The following HS3ST3A1 variants were observed in gnomAD, a reference collection of about 807,000 sequenced individuals.
The protein encoded by HS3ST3A1 is heparan sulfate glucosamine 3-O-sulfotransferase 3A1.
HS3ST3A1 carries 19 observed loss-of-function variants against 25.7 expected under a neutral mutation model. The observed-to-expected ratio is 0.74, with a 90% CI of 0.52 to 1.08. HS3ST3A1 has a LOEUF of 1.08. HS3ST3A1 is among the 50% of genes least tolerant of loss of function. HS3ST3A1 has a pLI of 0.00. For missense variants in HS3ST3A1, 459 were observed against 594.3 expected, an observed-to-expected ratio of 0.77 and a Z score of 2.37; for synonymous variants, 226 against 278.6, an observed-to-expected ratio of 0.81 and a Z score of 1.88.
intron 1 of HS3ST3A1, among the ~76,000 whole-genome samples, chr17:13,546,424 C>T (rs558410833): frequency 3.9e-5 from 6 of 152,222 alleles, no homozygotes; most frequent in African/African-American, 7.2e-5. Flanking sequence ...TGTGCCACTA[C>T]GCCCAGGTAA....
chr17:13,496,362 C>A lies in HS3ST3A1; in HGVS notation c.1056G>T (p.Leu352=). Residue 352 remains leucine, a synonymous_variant, in exon 2 of 2, where the codon CTG becomes CTT. Transcript: ENST00000284110. ...GCCGGCTGCTGCCCTCCGCCTTCTT[C>A]AGGCAGGGGAAGCCCTTGGTCTTGT... is the stretch of plus-strand genomic sequence containing the variant. ...YFNKTKGFPC[L]KKAEGSSRPH... is the part of the protein sequence containing the mutation. 6.7e-7 allele frequency: 1 copy of A among 1,491,006 alleles called. No individual in the cohort carries two copies. Among genetic ancestry groups the A allele is most frequent in the Non-Finnish European group, 9.2e-7 (1 of 1,090,462 alleles). 92.4% of individuals were successfully genotyped at this position (1,491,006 alleles called of 1,614,324 possible). A position where few individuals can be genotyped will look rare whatever the true frequency, so the allele number is the denominator to read the frequency against.
In HS3ST3A1 at chr17:13,600,812, G is replaced by T. The variant is rs1908708984; in HGVS notation, c.318C>A (p.Asp106Glu). 4 of 1,414,898 alleles carry T rather than the reference G, an allele frequency of 2.8e-6. No individual in the cohort carries two copies. The African/African-American group carries it at 4.6e-5, about 16-fold the overall frequency. The allele number at this position is 1,414,898 out of a possible 1,614,324, so 87.6% of individuals were successfully genotyped here. The change falls in exon 1 of 2, where the codon GAC (aspartate) becomes GAA (glutamate). Residue 106 changes from aspartate (D) to glutamate (E), a missense_variant. Asp to Glu is a conservative substitution (Grantham distance 45). This residue lies in a region of HS3ST3A1 where 346 missense variants were observed against 303.9 expected (regional missense o/e 1.14). Coordinates refer to ENST00000284110, the MANE Select transcript of HS3ST3A1 (RefSeq NM_006042.3). ...CTTCCCAGGCCGCCTCCTCGCCGTCGTCGCGGGGCGCGGGCGGCCGGCGCC... is the reference window on the plus strand; with the variant it reads ...CTTCCCAGGCCGCCTCCTCGCCGTCTTCGCGGGGCGCGGGCGGCCGGCGCC... ...WRRRRPPAPR[D>E]DGEEAAWEEE...
intron 1 of HS3ST3A1, among the ~76,000 whole-genome samples, chr17:13,594,060 G>C (rs1262279652): frequency 6.6e-6 from 1 of 152,162 alleles, no homozygotes; most frequent in African/African-American, 2.4e-5. Flanking sequence ...TACTGGTCAA[G>C]TATTTTGTAA....
At chr17:13,498,824 G>C (rs1027136408) in intron 1 of HS3ST3A1, among the ~76,000 whole-genome samples, 1 of 152,078 alleles carries the variant, frequency 6.6e-6, no homozygotes, top group African/African-American at 2.4e-5. Context: ...TGCATACACA[G>C]TAATAAACGT....
chr17:13,531,762 C>T (rs79677032), intron 1 of HS3ST3A1, among the ~76,000 whole-genome samples: 2,448 of 152,214 alleles, frequency 0.016, 72 homozygotes, highest in African/African-American at 0.056. Context: ...ACACATTAAG[C>T]GAATCAGTCT....
rs147390556 is a variant in HS3ST3A1, at chr17:13,539,050, G to A, written c.600-42232C>T. 8.0e-4 allele frequency among the ~76,000 whole-genome samples: 122 copies of A among 152,260 alleles called. 1 individual carries two copies. The highest frequency in any genetic ancestry group is 2.6e-3 in the African/African-American group (108 of 41,546). On this transcript the variant is annotated intron_variant, in intron 1 of 1. Transcript: ENST00000284110. ...GGTCAGCTGGGGCTAGAATGATATC[G>A]AGGTGGCTTCACTCACATATCTGGG...
At chr17:13,513,397 A>G (rs898998663) in intron 1 of HS3ST3A1, among the ~76,000 whole-genome samples, 3 of 152,218 alleles carry the variant, frequency 2.0e-5, no homozygotes, top group African/African-American at 7.2e-5. Flanking sequence ...AAAAAAATTA[A>G]ACTTCAACAA....
chr17:13,549,291 A>C (rs8075934), intron 1 of HS3ST3A1, among the ~76,000 whole-genome samples: 1 of 152,040 alleles, frequency 6.6e-6, no homozygotes, highest in African/African-American at 2.4e-5. Flanking sequence ...AACTGCAGAC[A>C]CATCTGAACA....
chr17:13,522,536 C>A (rs77324660), intron 1 of HS3ST3A1, among the ~76,000 whole-genome samples: 3,088 of 152,194 alleles, frequency 0.02, 57 homozygotes, highest in Non-Finnish European at 0.033. Context: ...AGTCTATATG[C>A]TGAAGGAAAT....
Position 13,600,895 on chromosome 17 carries a change from C to T in HS3ST3A1, c.235G>A (p.Ala79Thr). Residue 79 changes from alanine to threonine, a missense_variant, in exon 1 of 2, where the codon GCG (alanine) becomes ACG (threonine). Coordinates refer to ENST00000284110, the MANE Select transcript of HS3ST3A1 (RefSeq NM_006042.3). ...GVLAGGPRELAVWPAAAQRKR... is the reference protein window; with the variant it reads ...GVLAGGPRELTVWPAAAQRKR... Reference sequence around the variant, plus strand: ...CTCTGTGCCGCCGCCGGCCACACCGCCAGCTCCCTCGGGCCTCCGGCCAGG... The same window carrying T: ...CTCTGTGCCGCCGCCGGCCACACCGTCAGCTCCCTCGGGCCTCCGGCCAGG... The T allele has an allele frequency of 6.6e-7, 1 of 1,504,124 alleles. No homozygotes were observed. Among genetic ancestry groups the T allele is most frequent in the Non-Finnish European group, 8.8e-7 (1 of 1,130,840 alleles). 93.2% of individuals were successfully genotyped at this position (1,504,124 alleles called of 1,614,324 possible).
intron 1 of HS3ST3A1, among the ~76,000 whole-genome samples, chr17:13,569,977 T>G (rs1907761100): frequency 6.6e-6 from 1 of 152,214 alleles, no homozygotes; most frequent in Admixed American, 6.5e-5. Context: ...GATTCTATTC[T>G]GGGACTTCCC....
rs1178418496 is a variant in HS3ST3A1 at position 13,523,181 on chromosome 17, TC to T, written c.600-26364del. On this transcript the variant is annotated intron_variant, in intron 1 of 1. Coordinates refer to ENST00000284110, the MANE Select transcript of HS3ST3A1 (RefSeq NM_006042.3). ...CAAAGTGAAGCTTTCTCTATTTTTT[TC>T]TTAAATATTTCCTTTCTAGAAAAGA... is the stretch of plus-strand genomic sequence containing the variant. 3.3e-5 allele frequency among the ~76,000 whole-genome samples: 5 copies of T among 152,204 alleles called. No individual in the cohort carries two copies. The East Asian group carries it at 9.6e-4, about 29-fold the overall frequency.
intron 1 of HS3ST3A1, among the ~76,000 whole-genome samples, chr17:13,519,273 TAC>T (rs1906149555): frequency 1.3e-5 from 2 of 152,258 alleles, no homozygotes; most frequent in Non-Finnish European, 2.9e-5. Flanking sequence ...TCTGAATGGT[TAC>T]AGAACTAACG....
At chr17:13,591,437 G>GA (rs79266271) in intron 1 of HS3ST3A1, among the ~76,000 whole-genome samples, 4 of 152,048 alleles carry the variant, frequency 2.6e-5, no homozygotes, top group South Asian at 2.1e-4. Flanking sequence ...ATAAATGGGG[G>GA]AAAAATCAAT....
chr17:13,547,630 G>T (rs1426324305), intron 1 of HS3ST3A1, among the ~76,000 whole-genome samples: 3 of 152,142 alleles, frequency 2.0e-5, no homozygotes, highest in African/African-American at 7.2e-5. Context: ...CCATTTGGCT[G>T]TTCTTGAGTT....
At position 13,601,143 on chromosome 17, in the gene HS3ST3A1, G is replaced by A; in HGVS notation, c.-14C>T. 6.6e-7 allele frequency: 1 copy of A among 1,506,492 alleles called. No individual in the cohort carries two copies. The highest frequency in any genetic ancestry group is 1.3e-5 in the South Asian group (1 of 76,262). 93.3% of individuals were successfully genotyped at this position (1,506,492 alleles called of 1,614,324 possible). A position where few individuals can be genotyped will look rare whatever the true frequency, so the allele number is the denominator to read the frequency against. ...CGGAGGGGCCATCCTAGCCGGAGGC[G>A]ACGTCGGGCAACGCGCCGGCCATGC... is the stretch of plus-strand genomic sequence containing the variant. On this transcript the variant is annotated 5_prime_UTR_variant, in exon 1 of 2. Coordinates refer to ENST00000284110, the MANE Select transcript of HS3ST3A1 (RefSeq NM_006042.3).
chr17:13,517,492 AC>A (rs1233938273), intron 1 of HS3ST3A1, among the ~76,000 whole-genome samples: 1 of 152,194 alleles, frequency 6.6e-6, no homozygotes, highest in African/African-American at 2.4e-5. Flanking sequence ...AAAAAGCTTC[AC>A]AAATACAGAA....
At chr17:13,576,726 T>A (rs1030633522) in intron 1 of HS3ST3A1, among the ~76,000 whole-genome samples, 1 of 152,218 alleles carries the variant, frequency 6.6e-6, no homozygotes, top group South Asian at 2.1e-4. Context: ...AATTAATGCC[T>A]CTCCAGCAGT....
chr17:13,560,121 C>G (rs1907491950), intron 1 of HS3ST3A1, among the ~76,000 whole-genome samples: 1 of 151,092 alleles, frequency 6.6e-6, no homozygotes. Flanking sequence ...GAAACCCCAT[C>G]TCTACTAAAA....
Sources: allele counts gnomAD v4.1 joint callset (sites outside exome capture counted in the v4.1 genomes callset), GRCh38; gene constraint gnomAD v4.1.1; regional missense constraint gnomAD v4.1.1; transcripts MANE v1.5; gene names NCBI Gene and HGNC (gene_info 2026-07-23, HGNC 2026-07-21).